ZNF30: variants seen among roughly 807,000 people sequenced by gnomAD.
ZNF30 encodes the protein zinc finger protein 30 (KOX 28).
Under a neutral mutation model 13.2 loss-of-function variants are expected in ZNF30, and 15 were observed. The ratio of observed to expected loss-of-function variants is 1.13; its 90% CI spans 0.76 to 1.75. The LOEUF is 1.75. ZNF30 is among the 40% of genes most tolerant of loss of function. ZNF30 has a pLI of 0.00. For synonymous variants in ZNF30, 223 were observed against 256.6 expected (o/e 0.87, Z 1.25); for missense variants, 726 against 757.0 (o/e 0.96, Z 0.48).
At chr19:34,937,513 C>T (rs1437346541) in intron 4 of ZNF30, among the ~76,000 whole-genome samples, 2 of 152,132 alleles carry the variant, frequency 1.3e-5, no homozygotes, top group African/African-American at 4.8e-5. Context: ...GGGGGAATCA[C>T]TTCAAGCCAG....
upstream of ZNF30, among the ~76,000 whole-genome samples, chr19:34,926,256 A>G (rs1403240662): frequency 2.0e-5 from 3 of 152,256 alleles, no homozygotes; most frequent in South Asian, 4.1e-4. Flanking sequence ...CAGTTTTAGC[A>G]TTACATAAAC....
In ZNF30 at chr19:34,933,742, G is replaced by A. The variant is rs1200128718; in HGVS notation, c.256+19G>A. 3 of 1,520,272 alleles carry A rather than the reference G, an allele frequency of 2.0e-6. No homozygotes were observed. The highest frequency in any genetic ancestry group is 2.7e-6 in the Non-Finnish European group (3 of 1,113,670). 94.2% of individuals were successfully genotyped at this position (1,520,272 alleles called of 1,614,324 possible). On this transcript the variant is annotated intron_variant, in intron 4 of 4. Transcript: ENST00000601142. Reference sequence around the variant, plus strand: ...TGCACAGGTGAGTAAGAGCATGGCAGGTAGGGAGGCCATTGTTGCTGGAAA... The same window carrying A: ...TGCACAGGTGAGTAAGAGCATGGCAAGTAGGGAGGCCATTGTTGCTGGAAA...
In ZNF30 at chr19:34,943,394, G is replaced by C. The variant is rs2013147422; in HGVS notation, c.428G>C (p.Ser143Thr). 6.2e-7 allele frequency: 1 copy of C among 1,613,954 alleles called. No homozygotes were observed. The highest frequency in any genetic ancestry group is 8.5e-7 in the Non-Finnish European group (1 of 1,179,882). Residue 143 changes from serine (S) to threonine (T), a missense_variant, in exon 5 of 5, where the codon AGT becomes ACT. Coordinates refer to ENST00000601142, the MANE Select transcript of ZNF30 (RefSeq NM_194325.3). ...CCTGTTCAACATGAAAGAATACATA[G>C]TAGTGAAAAACCCAACAGATGTAAA... is the stretch of plus-strand genomic sequence containing the variant. ...SKPVQHERIH[S>T]SEKPNRCKEC...
chr19:34,940,798 C>T (rs1007923690), intron 4 of ZNF30, among the ~76,000 whole-genome samples: 17 of 151,596 alleles, frequency 1.1e-4, no homozygotes, highest in Admixed American at 2.6e-4. Flanking sequence ...AGAATAGTTA[C>T]GATCAGAATT....
intron 4 of ZNF30, among the ~76,000 whole-genome samples, chr19:34,936,602 A>G (rs1319034963): frequency 1.3e-5 from 2 of 152,110 alleles, no homozygotes; most frequent in Admixed American, 1.3e-4. Context: ...TACACATGAG[A>G]ACTTGGGATG....
rs1291527387 is a variant in ZNF30 at position 34,944,697 on chromosome 19, T to C, written c.1731T>C (p.Phe577=). ...AATGTAAGGAATGCGGGAAGGCCTT[T>C]AGACTTAATTCATTCCTTACTGAAC... ...PFECKECGKA[F]RLNSFLTEHQ... is the part of the protein sequence containing the mutation. Residue 577 remains phenylalanine (F), a synonymous_variant, in exon 5 of 5, where the codon TTT becomes TTC. Transcript: ENST00000601142. 1 of 1,612,616 alleles carries C rather than the reference T, an allele frequency of 6.2e-7. No homozygotes were observed. Among genetic ancestry groups the C allele is most frequent in the Admixed American group, 1.7e-5 (1 of 59,936 alleles).
At chr19:34,925,162 T>C (rs570696530), upstream of ZNF30, among the ~76,000 whole-genome samples, 3 of 151,322 alleles carry the variant, frequency 2.0e-5, no homozygotes, top group Non-Finnish European at 4.4e-5. Context: ...TGAATGTTTA[T>C]AGCTGAAGCC....
At chr19:34,925,380 C>G (rs568866996), upstream of ZNF30, among the ~76,000 whole-genome samples, 19 of 152,278 alleles carry the variant, frequency 1.2e-4, no homozygotes, top group South Asian at 3.9e-3. Context: ...GTTGGGGGAG[C>G]CAGAAGGGAA....
chr19:34,928,194 C>G (rs1333252073), intron 1 of ZNF30, among the ~76,000 whole-genome samples: 1 of 113,134 alleles, frequency 8.8e-6, no homozygotes, highest in African/African-American at 3.3e-5. Flanking sequence ...GGCGACAGAG[C>G]GAGATCCCTT....
At chr19:34,935,284 A>G (rs10420614) in intron 4 of ZNF30, among the ~76,000 whole-genome samples, 65,472 of 151,898 alleles carry the variant, frequency 0.43, 15,660 homozygotes, top group African/African-American at 0.65. Flanking sequence ...CAGGCTTACA[A>G]AAAAGTTGGA....
chr19:34,937,528 T>C (rs574027790), intron 4 of ZNF30, among the ~76,000 whole-genome samples: 3 of 152,100 alleles, frequency 2.0e-5, no homozygotes, highest in African/African-American at 7.2e-5. Context: ...AGCCAGGAGT[T>C]CGAGACCAGC....
intron 4 of ZNF30, among the ~76,000 whole-genome samples, chr19:34,938,693 C>CG (rs11406305): frequency 0.34 from 51,147 of 151,936 alleles, 8,715 homozygotes; most frequent in African/African-American, 0.37. Flanking sequence ...CAGTGCCCAC[C>CG]GGAGGTTCAT....
At chr19:34,930,414 G>A (rs2012385387) in intron 2 of ZNF30, among the ~76,000 whole-genome samples, 1 of 152,198 alleles carries the variant, frequency 6.6e-6, no homozygotes, top group African/African-American at 2.4e-5. Flanking sequence ...GAGTGGGGAT[G>A]TGATTATGAT....
rs745822160 is a variant in ZNF30 at position 34,944,444 on chromosome 19, T to C, written c.1478T>C (p.Phe493Ser). 5.0e-6 allele frequency: 8 copies of C among 1,613,818 alleles called. No individual in the cohort carries two copies. The South Asian group carries it at 7.7e-5, about 16-fold the overall frequency. ...PYECKECGKT[F>S]SRASYLVQHS... ...GAATGTAAGGAATGTGGAAAGACTT[T>C]TAGTCGAGCCTCGTACCTTGTACAA... Residue 493 changes from phenylalanine (F) to serine (S), a missense_variant, in exon 5 of 5, where the codon TTT becomes TCT. By Grantham distance (155) the Phe-to-Ser change is radical. Coordinates refer to ENST00000601142, the MANE Select transcript of ZNF30 (RefSeq NM_194325.3).
chr19:34,933,843 G>GA, intron 4 of ZNF30, 120 bp downstream of exon 4: 1 of 614,358 alleles, frequency 1.6e-6, no homozygotes, highest in African/African-American at 1.9e-5. Flanking sequence ...GGCCTGGGTG[G>GA]AAAAAGGCTG....
chr19:34,936,387 A>C (rs1391853475), intron 4 of ZNF30, among the ~76,000 whole-genome samples: 1 of 152,192 alleles, frequency 6.6e-6, no homozygotes, highest in Non-Finnish European at 1.5e-5. Flanking sequence ...GAGGGAAATC[A>C]AGAAGGATCA....
chr19:34,930,441 A>G (rs778689652), intron 2 of ZNF30, among the ~76,000 whole-genome samples: 1 of 152,190 alleles, frequency 6.6e-6, no homozygotes, highest in African/African-American at 2.4e-5. Context: ...CATTGATATC[A>G]TGGTTCTTCT....
chr19:34,941,867 G>A (rs543078756), intron 4 of ZNF30, among the ~76,000 whole-genome samples: 4 of 138,666 alleles, frequency 2.9e-5, no homozygotes, highest in Admixed American at 1.4e-4. Context: ...TATATCAAAG[G>A]AGGCAATGTG....
Position 34,926,974 on chromosome 19 carries a change from C to T in ZNF30, c.-307C>T. 2.5e-6 allele frequency: 1 copy of T among 398,608 alleles called. No homozygotes were observed. Among genetic ancestry groups the T allele is most frequent in the Admixed American group, 4.4e-5 (1 of 22,746 alleles). The allele number at this position is 398,608 out of a possible 1,614,324, so 24.7% of individuals were successfully genotyped here. On this transcript the variant is annotated 5_prime_UTR_variant, in exon 1 of 5. Coordinates refer to ENST00000601142, the MANE Select transcript of ZNF30 (RefSeq NM_194325.3). ...TGCATTTCCCAGAGGCTGCAGCTAT[C>T]CGGCCAATGTAGCCTGAAACTACAT...
Sources: gnomAD v4.1 joint callset for allele counts (sites outside exome capture counted in the v4.1 genomes callset) on GRCh38, gnomAD v4.1.1 for gene constraint, MANE v1.5 for transcripts, NCBI Gene and HGNC (gene_info 2026-07-23, HGNC 2026-07-21) for gene names.